CCDC39: variants seen among roughly 807,000 people sequenced by gnomAD.
CCDC39 encodes coiled-coil domain-containing protein 39.
A neutral mutation model predicts 121.0 loss-of-function variants in CCDC39; 113 were observed. That is an observed-to-expected ratio of 0.93 (90% CI 0.80 to 1.09). The LOEUF (loss-of-function observed/expected upper bound fraction) is 1.09. Ranked by LOEUF, CCDC39 falls within the 50% of genes least tolerant of loss-of-function variation. CCDC39 has a pLI of 0.00. For missense variants in CCDC39, 1,063 were observed against 1,074.7 expected (o/e 0.99, Z 0.15); for synonymous variants, 349 against 352.2 (o/e 0.99, Z 0.10).
At chr3:180,667,937 A>T (rs1711929698) in intron 1 of CCDC39, among the ~76,000 whole-genome samples, 2 of 152,220 alleles carry the variant, frequency 1.3e-5, no homozygotes, top group African/African-American at 4.8e-5. Flanking sequence ...TGAGGTAGGG[A>T]TGGGTCTAGA....
chr3:180,622,223 T>C (rs184938623), intron 14 of CCDC39, among the ~76,000 whole-genome samples: 2 of 152,262 alleles, frequency 1.3e-5, no homozygotes, highest in East Asian at 3.9e-4. Context: ...TATATCATTA[T>C]TAGTGTTTAG....
chr3:180,670,106 A>G (rs900298875), intron 1 of CCDC39, among the ~76,000 whole-genome samples: 1 of 152,196 alleles, frequency 6.6e-6, no homozygotes, highest in Non-Finnish European at 1.5e-5. Context: ...CATTAAAAAC[A>G]TGTTCTAATG....
At position 180,638,130 on chromosome 3, in the gene CCDC39, C is replaced by T. The variant is rs530680254; in HGVS notation, c.1874+3863G>A. Among the ~76,000 whole-genome samples, 5 of 152,148 alleles carry T rather than the reference C, an allele frequency of 3.3e-5. No individual in the cohort carries two copies. The East Asian group carries it at 9.6e-4, about 29-fold the overall frequency. On this transcript the variant is annotated intron_variant, in intron 13 of 19. Coordinates refer to ENST00000476379, the MANE Select transcript of CCDC39 (RefSeq NM_181426.2). ...TCCAGGAAGGGTCAAGCAAGAGAAA[C>T]TTTAAAATGACAAAATGCCCAGACA...
chr3:180,620,102 C>A, intron 14 of CCDC39, 132 bp from the exon 15 acceptor site: 1 of 582,128 alleles, frequency 1.7e-6, no homozygotes, highest in South Asian at 4.2e-5. Flanking sequence ...ACATATGGCA[C>A]CAAGCATTTA....
At chr3:180,648,400 T>C (rs376302750) in intron 9 of CCDC39, 41 bp from the exon 10 acceptor site, 1 of 1,245,962 alleles carries the variant, frequency 8.0e-7, no homozygotes, top group African/African-American at 1.5e-5. Flanking sequence ...ATTAAATATA[T>C]TGAAATGTTG....
At chr3:180,677,560 T>G (rs1712270906) in intron 1 of CCDC39, among the ~76,000 whole-genome samples, 1 of 152,004 alleles carries the variant, frequency 6.6e-6, no homozygotes. Context: ...CTTAGAAACA[T>G]TAACCATTTA....
intron 1 of CCDC39, among the ~76,000 whole-genome samples, chr3:180,678,514 T>TTTTATTTG (rs1712297919): frequency 6.6e-6 from 1 of 152,080 alleles, no homozygotes; most frequent in Admixed American, 6.6e-5. Context: ...TTTTTTATTT[T>TTTTATTTG]TTCGTAGAGA....
intron 14 of CCDC39, among the ~76,000 whole-genome samples, chr3:180,624,074 T>C (rs151279397): frequency 9.4e-4 from 143 of 152,246 alleles, no homozygotes; most frequent in African/African-American, 3.2e-3. Context: ...TTCAATCTGG[T>C]AATGCTTGTT....
rs763769524 is a variant in CCDC39 at position 180,644,117 on chromosome 3, C to T, written c.1665+3G>A. The T allele has an allele frequency of 4.6e-5, 70 of 1,537,058 alleles. No individual in the cohort carries two copies. Among genetic ancestry groups the T allele is most frequent in the Non-Finnish European group, 6.0e-5 (68 of 1,141,608 alleles). ...ACTACATATGCATACAATTTTACTG[C>T]ACCTGCTTAAAACCTTTGGCTTTAT... is the stretch of plus-strand genomic sequence containing the variant. On this transcript the variant is annotated splice_donor_region_variant and intron_variant, in intron 12 of 19. Coordinates refer to ENST00000476379, the MANE Select transcript of CCDC39 (RefSeq NM_181426.2).
chr3:180,655,056 T>C, intron 6 of CCDC39, 103 bp from the exon 7 acceptor site: 1 of 683,386 alleles, frequency 1.5e-6, no homozygotes, highest in South Asian at 3.6e-5. Flanking sequence ...GTACTTATTT[T>C]ACCAAAACTT....
intron 14 of CCDC39, among the ~76,000 whole-genome samples, chr3:180,626,631 A>G (rs538389297): frequency 6.6e-6 from 1 of 152,314 alleles, no homozygotes; most frequent in African/African-American, 2.4e-5. Flanking sequence ...CACTTGGCCC[A>G]AATGTGGGGC....
chr3:180,669,344 T>C (rs946564521), intron 1 of CCDC39, among the ~76,000 whole-genome samples: 7 of 152,192 alleles, frequency 4.6e-5, no homozygotes, highest in South Asian at 4.1e-4. Context: ...AACTTTGGAA[T>C]TGAGTTGTCA....
At chr3:180,631,651 T>C in intron 13 of CCDC39, 59 bp from the exon 14 acceptor site, 1 of 1,412,378 alleles carries the variant, frequency 7.1e-7, no homozygotes, top group African/African-American at 1.4e-5. Context: ...TTTAAAGGAC[T>C]ATCAAGTGTT....
intron 6 of CCDC39, among the ~76,000 whole-genome samples, chr3:180,657,640 C>T (rs770827234): frequency 2.0e-5 from 3 of 152,162 alleles, no homozygotes; most frequent in Non-Finnish European, 4.4e-5. Context: ...CTAATAATGC[C>T]TCAGCAGATA....
chr3:180,656,509 G>A (rs149267505), intron 6 of CCDC39, among the ~76,000 whole-genome samples: 118 of 152,274 alleles, frequency 7.7e-4, no homozygotes, highest in African/African-American at 2.8e-3. Context: ...TCAGTTAGGA[G>A]ATAAAATATT....
intron 6 of CCDC39, among the ~76,000 whole-genome samples, chr3:180,658,467 G>A (rs1454889987): frequency 6.6e-6 from 1 of 151,480 alleles, no homozygotes; most frequent in Admixed American, 6.6e-5. Context: ...GCATGGTGGC[G>A]GGCACCTGTA....
In CCDC39 at chr3:180,659,549, C is replaced by T. The variant is rs368553676; in HGVS notation, c.641G>A (p.Arg214His). 9.7e-5 allele frequency: 157 copies of T among 1,612,878 alleles called. No homozygotes were observed. The highest frequency in any genetic ancestry group is 1.6e-4 in the Middle Eastern group (1 of 6,074). ...LELDKAAQDF[R>H]KIHNERQELI... ...TTCTTGTCTTTCATTATGAATCTTA[C>T]GAAAATCTTGTGCTGCTTTATCCAA... The change falls in exon 6 of 20, where the codon CGT (arginine) becomes CAT (histidine). Residue 214 changes from arginine (R) to histidine (H), a missense_variant. Physicochemically the swap from Arg to His is conservative, Grantham distance 29. Coordinates refer to ENST00000476379, the MANE Select transcript of CCDC39 (RefSeq NM_181426.2).
intron 14 of CCDC39, among the ~76,000 whole-genome samples, chr3:180,630,756 C>T (rs1252644277): frequency 6.6e-6 from 1 of 152,100 alleles, no homozygotes; most frequent in African/African-American, 2.4e-5. Context: ...TAAAGATAAC[C>T]ATGGGATGAC....
At chr3:180,628,430 A>C (rs1050878964) in intron 14 of CCDC39, among the ~76,000 whole-genome samples, 4 of 152,074 alleles carry the variant, frequency 2.6e-5, no homozygotes, top group African/African-American at 9.7e-5. Flanking sequence ...GATGGTCTCG[A>C]TCTCCTGACC....
Sources: gnomAD v4.1 joint callset for allele counts (sites outside exome capture counted in the v4.1 genomes callset) on GRCh38, gnomAD v4.1.1 for gene constraint, MANE v1.5 for transcripts, NCBI Gene and HGNC (gene_info 2026-07-23, HGNC 2026-07-21) for gene names.